The following ISOC2 variants were observed in gnomAD, a reference collection of about 807,000 sequenced individuals.
ISOC2 encodes isochorismatase domain-containing protein 2.
A neutral mutation model predicts 19.3 loss-of-function variants in ISOC2; 15 were observed. The ratio of observed to expected loss-of-function variants is 0.78; its 90% confidence interval spans 0.52 to 1.20. The LOEUF (loss-of-function observed/expected upper bound fraction) is 1.20, where lower values mean the gene tolerates loss of function less well. Among genes scored for constraint, ISOC2 ranks in the 50% most tolerant of loss-of-function variants. The pLI, the probability that ISOC2 is intolerant of heterozygous loss-of-function variation, is 0.00. For synonymous variants in ISOC2, 106 were observed against 115.8 expected, an observed-to-expected ratio of 0.92 and a Z score of 0.54; for missense variants, 285 against 272.4, an observed-to-expected ratio of 1.05 and a Z score of -0.33.
rs575623512 is a variant in ISOC2, at chr19:55,458,322, C to T, written c.-3-1833G>A. ...TGGGAGGCTTGTGCTTTTGGGTCTC[C>T]GAGTTTGCTGCACAAGTGAGGGTTT... On this transcript the variant is annotated intron_variant, in intron 1 of 5. Coordinates refer to ENST00000425675, the MANE Select transcript of ISOC2 (RefSeq NM_001136201.2). 6.6e-5 allele frequency among the ~76,000 whole-genome samples: 10 copies of T among 152,274 alleles called. No homozygotes were observed. In the East Asian group the frequency reaches 1.4e-3, roughly 21 times the overall value.
chr19:55,460,318 A>T (rs1267628305), intron 1 of ISOC2, among the ~76,000 whole-genome samples: 1 of 152,220 alleles, frequency 6.6e-6, no homozygotes, highest in Non-Finnish European at 1.5e-5. Flanking sequence ...TGTGCCAAAG[A>T]AAAAAGGGAG....
rs1432779684 is a variant in ISOC2, at chr19:55,453,114, AC to A, written c.*193del. The A allele has an allele frequency of 3.9e-6, 2 of 516,662 alleles. No individual in the cohort carries two copies. The highest frequency in any genetic ancestry group is 6.9e-6 in the Non-Finnish European group (2 of 291,556). The allele number at this position is 516,662 out of a possible 1,614,324, so 32.0% of individuals were successfully genotyped here. A position where few individuals can be genotyped will look rare whatever the true frequency, so the allele number is the denominator to read the frequency against. On this transcript the variant is annotated 3_prime_UTR_variant, in exon 6 of 6. Transcript: ENST00000425675. ...CTCCATCTTGGCTCAGCCAATTCCC[AC>A]CCAGTTTCCAGGAGTCTCATTTGCA... is the stretch of plus-strand genomic sequence containing the variant.
At chr19:55,454,944 C>G (rs1204027160) in intron 5 of ISOC2, 45 bp downstream of exon 5, 3 of 1,402,912 alleles carry the variant, frequency 2.1e-6, no homozygotes, top group Middle Eastern at 1.8e-4. Flanking sequence ...AAGACAAGAC[C>G]TTTGACAGAT....
At chr19:55,456,591 G>T in intron 1 of ISOC2, 102 bp from the exon 2 acceptor site, 1 of 1,457,802 alleles carries the variant, frequency 6.9e-7, no homozygotes, top group Non-Finnish European at 9.2e-7. Context: ...AGGGCCCGGG[G>T]CACCTTGCCA....
At chr19:55,454,908 G>C in intron 5 of ISOC2, 81 bp downstream of exon 5, 1 of 1,063,128 alleles carries the variant, frequency 9.4e-7, no homozygotes, top group East Asian at 2.4e-5. Flanking sequence ...CAGCCTGCTG[G>C]TGCCGAGATG....
chr19:55,453,028 T>A lies in ISOC2; in HGVS notation c.*280A>T. 2.5e-6 allele frequency: 1 copy of A among 396,212 alleles called. No individual in the cohort carries two copies. The highest frequency in any genetic ancestry group is 4.5e-6 in the Non-Finnish European group (1 of 220,774). The allele number at this position is 396,212 out of a possible 1,614,324, so 24.5% of individuals were successfully genotyped here. On this transcript the variant is annotated 3_prime_UTR_variant, in exon 6 of 6. Coordinates refer to ENST00000425675, the MANE Select transcript of ISOC2 (RefSeq NM_001136201.2). ...TATTCTGCGAGTCCGTGTCCCACAG[T>A]CTGAGACTCTTCTTCCCCTCCCCTT...
chr19:55,461,128 C>T (rs1165177895), intron 1 of ISOC2, among the ~76,000 whole-genome samples: 1 of 149,828 alleles, frequency 6.7e-6, no homozygotes, highest in Non-Finnish European at 1.5e-5. Context: ...TACCCAAGGC[C>T]AAAGGGGGCG....
rs1024749478 is a variant in ISOC2 at position 55,453,246 on chromosome 19, A to C, written c.*62T>G. The C allele has an allele frequency of 5.8e-6, 7 of 1,214,354 alleles. No homozygotes were observed. Among genetic ancestry groups the C allele is most frequent in the Non-Finnish European group, 7.0e-6 (6 of 858,558 alleles). 75.2% of individuals were successfully genotyped at this position (1,214,354 alleles called of 1,614,324 possible). A position where few individuals can be genotyped will look rare whatever the true frequency, so the allele number is the denominator to read the frequency against. On this transcript the variant is annotated 3_prime_UTR_variant, in exon 6 of 6. Coordinates refer to ENST00000425675, the MANE Select transcript of ISOC2 (RefSeq NM_001136201.2). ...CTCTTGGGATCCAGGGATGGGGGGAACGGGCTTCCACTGAGGTCCGGGTGA... is the reference window on the plus strand; with the variant it reads ...CTCTTGGGATCCAGGGATGGGGGGACCGGGCTTCCACTGAGGTCCGGGTGA...
intron 3 of ISOC2, 65 bp from the exon 4 acceptor site, chr19:55,455,395 G>A (rs777200281): frequency 4.4e-6 from 7 of 1,593,942 alleles, no homozygotes; most frequent in South Asian, 1.1e-5. Context: ...AAGGAATTGG[G>A]GATGGTGAGT....
chr19:55,455,894 TGGGCC>T, intron 2 of ISOC2, 49 bp from the exon 3 acceptor site: 2 of 1,357,948 alleles, frequency 1.5e-6, no homozygotes. Context: ...GAGGAGGGGC[TGGGCC>T]TGGACTCCTG....
chr19:55,460,633 G>T (rs895073161), intron 1 of ISOC2, among the ~76,000 whole-genome samples: 1 of 152,260 alleles, frequency 6.6e-6, no homozygotes, highest in Non-Finnish European at 1.5e-5. Context: ...ATCCTGGGAT[G>T]TGGCGCATGT....
At position 55,456,380 on chromosome 19, in the gene ISOC2, T is replaced by A. The variant is rs144270874; in HGVS notation, c.107A>T (p.Gln36Leu). Residue 36 changes from glutamine (Q) to leucine (L), a missense_variant, in exon 2 of 6, where the codon CAG becomes CTG. Gln to Leu is a moderately radical substitution (Grantham distance 113, BLOSUM62 -2). Transcript: ENST00000425675. ...KFRHNIAYFP[Q>L]IVSVAARMLK... ...CATGCGGGCAGCCACTGAGACGATC[T>A]GTGGGAAGTAGGCGATGTTGTGGCG... The A allele has an allele frequency of 3.6e-5, 58 of 1,613,692 alleles. No homozygotes were observed. The African/African-American group carries it at 7.4e-4, about 20-fold the overall frequency.
chr19:55,453,747 G>A (rs535364562), intron 5 of ISOC2, among the ~76,000 whole-genome samples: 1 of 151,822 alleles, frequency 6.6e-6, no homozygotes, highest in Non-Finnish European at 1.5e-5. Context: ...CCCTGAACTC[G>A]ACTCATCTAT....
Position 55,456,360 on chromosome 19 carries a change from G to A in ISOC2, c.127C>T (p.Arg43Cys), listed in dbSNP as rs199623350. The change falls in exon 2 of 6, where the codon CGC becomes TGC. Residue 43 changes from arginine (R) to cysteine (C), a missense_variant. Coordinates refer to ENST00000425675, the MANE Select transcript of ISOC2 (RefSeq NM_001136201.2). ...GGCTGAGGTCATACCTTGAGCATGC[G>A]GGCAGCCACTGAGACGATCTGTGGG... ...YFPQIVSVAA[R>C]MLKVARLLEV... The A allele has an allele frequency of 1.5e-5, 24 of 1,613,712 alleles. No homozygotes were observed. The highest frequency in any genetic ancestry group is 5.0e-5 in the Admixed American group (3 of 59,986).
chr19:55,453,414 A>T, intron 5 of ISOC2, 26 bp from the exon 6 acceptor site: 2 of 1,549,186 alleles, frequency 1.3e-6, no homozygotes, highest in Non-Finnish European at 1.8e-6. Context: ...GCGATGGGTC[A>T]GGAAGCGTCT....
intron 1 of ISOC2, among the ~76,000 whole-genome samples, chr19:55,460,286 G>C (rs763059784): frequency 6.6e-6 from 1 of 152,234 alleles, no homozygotes; most frequent in Non-Finnish European, 1.5e-5. Flanking sequence ...AAGCAGAACA[G>C]TGTGTATGGA....
chr19:55,453,258 T>C lies in ISOC2; in HGVS notation c.*50A>G. Reference sequence around the variant, plus strand: ...AGGGATGGGGGGAACGGGCTTCCACTGAGGTCCGGGTGACAGGAGGGTGGT... The same window carrying C: ...AGGGATGGGGGGAACGGGCTTCCACCGAGGTCCGGGTGACAGGAGGGTGGT... On this transcript the variant is annotated 3_prime_UTR_variant, in exon 6 of 6. Transcript: ENST00000425675. 7.1e-7 allele frequency: 1 copy of C among 1,400,500 alleles called. No individual in the cohort carries two copies. The highest frequency in any genetic ancestry group is 1.4e-5 in the African/African-American group (1 of 69,194). 86.8% of individuals were successfully genotyped at this position (1,400,500 alleles called of 1,614,324 possible).
rs368688531 is a variant in ISOC2, at chr19:55,455,817, A to G, written c.167T>C (p.Met56Thr). 3.0e-4 allele frequency: 470 copies of G among 1,547,572 alleles called. No homozygotes were observed. The highest frequency in any genetic ancestry group is 3.8e-4 in the Non-Finnish European group (436 of 1,144,644). The change falls in exon 3 of 6, where the codon ATG (methionine) becomes ACG (threonine). Residue 56 changes from methionine (M) to threonine (T), a missense_variant. By Grantham distance (81) the Met-to-Thr change is moderately conservative. Coordinates refer to ENST00000425675, the MANE Select transcript of ISOC2 (RefSeq NM_001136201.2). ...GCCTTGTGGGTACTGCTCCGTCAGC[A>G]TGACTGGCACCTCAAGCAGCCGGGC... Reference protein sequence around the residue: ...KVARLLEVPVMLTEQYPQGLG... With the variant: ...KVARLLEVPVTLTEQYPQGLG...
At chr19:55,456,728 C>T (rs889176941) in intron 1 of ISOC2, among the ~76,000 whole-genome samples, 1 of 152,188 alleles carries the variant, frequency 6.6e-6, no homozygotes, top group African/African-American at 2.4e-5. Flanking sequence ...CACATCCACA[C>T]GTGGCTCCGG....
Sources: gnomAD v4.1 joint callset for allele counts (sites outside exome capture counted in the v4.1 genomes callset) on GRCh38, gnomAD v4.1.1 for gene constraint, MANE v1.5 for transcripts, NCBI Gene and HGNC (gene_info 2026-07-23, HGNC 2026-07-21) for gene names.